AKAP10: variants seen among roughly 807,000 people sequenced by gnomAD.
AKAP10 encodes A-kinase anchoring protein 10.
Under a neutral mutation model 80.8 loss-of-function variants are expected in AKAP10, and 24 were observed. That is an observed-to-expected ratio of 0.30 (90% confidence interval 0.22 to 0.42). The LOEUF is 0.42. AKAP10 is among the 10% of genes least tolerant of loss of function. AKAP10 has a pLI of 1.00. For missense variants in AKAP10, 661 were observed against 794.9 expected (o/e 0.83, Z 2.03); for synonymous variants, 291 against 277.7 (o/e 1.05, Z -0.48).
In AKAP10 at chr17:19,931,900, C is replaced by T; in HGVS notation, c.1546G>A (p.Glu516Lys). 6.2e-7 allele frequency: 1 copy of T among 1,614,122 alleles called. No individual in the cohort carries two copies. The highest frequency in any genetic ancestry group is 8.5e-7 in the Non-Finnish European group (1 of 1,180,016). ...AGCGACACGTTCCCGCCCAGAAATT[C>T]ATCTCCTCGAACCGAATGGATGAGA... is the stretch of plus-strand genomic sequence containing the variant. ...NDLIHSVRGD[E>K]FLGGNVSLTA... Residue 516 changes from glutamate to lysine, a missense_variant, in exon 10 of 15, where the codon GAA becomes AAA. Glu to Lys is a moderately conservative substitution (Grantham distance 56, BLOSUM62 1). Transcript: ENST00000225737.
intron 9 of AKAP10, among the ~76,000 whole-genome samples, chr17:19,932,439 C>G (rs1252932878): frequency 8.0e-6 from 1 of 124,586 alleles, no homozygotes; most frequent in African/African-American, 3.1e-5. Context: ...GACGCTGGAG[C>G]AAGACTGTCT....
chr17:19,912,552 G>A (rs1033398199), intron 12 of AKAP10, among the ~76,000 whole-genome samples: 3 of 151,680 alleles, frequency 2.0e-5, no homozygotes, highest in Admixed American at 6.6e-5. Flanking sequence ...AAAACAAAAC[G>A]AAACAAAAAC....
intron 3 of AKAP10, among the ~76,000 whole-genome samples, chr17:19,960,484 G>C (rs1466307648): frequency 6.6e-6 from 1 of 152,168 alleles, no homozygotes. Context: ...TTGTCTGACA[G>C]CATAATTCCC....
At chr17:19,962,776 G>C (rs1474184037) in intron 3 of AKAP10, 64 bp downstream of exon 3, 7 of 1,505,418 alleles carry the variant, frequency 4.6e-6, no homozygotes, top group Non-Finnish European at 2.7e-6. Flanking sequence ...TCCTATGACA[G>C]AAGTTTCACA....
chr17:19,977,358 A>G (rs991056781), intron 1 of AKAP10, among the ~76,000 whole-genome samples: 2 of 152,230 alleles, frequency 1.3e-5, no homozygotes, highest in Non-Finnish European at 2.9e-5. Context: ...TATGGGCTTT[A>G]GCAATCGCTT....
intron 4 of AKAP10, among the ~76,000 whole-genome samples, chr17:19,951,137 T>C (rs1457390678): frequency 8.2e-6 from 1 of 121,266 alleles, no homozygotes; most frequent in Non-Finnish European, 1.7e-5. Context: ...GGGAGGGAGG[T>C]GGGGGGCAGC....
intron 5 of AKAP10, among the ~76,000 whole-genome samples, chr17:19,945,643 G>A (rs2043095310): frequency 6.6e-6 from 1 of 152,078 alleles, no homozygotes; most frequent in Non-Finnish European, 1.5e-5. Context: ...ACATGACATG[G>A]ACCCCAGAAT....
At position 19,939,737 on chromosome 17, in the gene AKAP10, T is replaced by C; in HGVS notation, c.1298A>G (p.Asn433Ser). ...CTTGTCATATAAAATCATGGCATCA[T>C]TCTGTGCCTCCTGTCCATCATATTG... ...KGQYDGQEAQ[N>S]DAMILYDKYF... The change falls in exon 8 of 15, where the codon AAT becomes AGT. Residue 433 changes from asparagine (N) to serine (S), a missense_variant. Transcript: ENST00000225737. 1 of 1,613,884 alleles carries C rather than the reference T, an allele frequency of 6.2e-7. No homozygotes were observed. Among genetic ancestry groups the C allele is most frequent in the Non-Finnish European group, 8.5e-7 (1 of 1,179,986 alleles).
chr17:19,909,200 G>A lies in AKAP10; in HGVS notation c.1964C>T (p.Pro655Leu), dbSNP rs372640311. ...CCTTACCTTTGTAGATTTCTCTAAC[G>A]GTTGATCATACTGAGCCTGCTGCAT... ...DIMQQAQYDQPLEKSTKL is the reference protein window; with the variant it reads ...DIMQQAQYDQLLEKSTKL The change falls in exon 14 of 15, where the codon CCG (proline) becomes CTG (leucine). Residue 655 changes from proline (P) to leucine (L), a missense_variant. Pro to Leu is a moderately conservative substitution (Grantham distance 98). Transcript: ENST00000225737. The A allele has an allele frequency of 9.3e-6, 15 of 1,612,080 alleles. No individual in the cohort carries two copies. In the South Asian group the frequency reaches 1.1e-4, roughly 12 times the overall value.
At chr17:19,940,832 G>T in intron 7 of AKAP10, 55 bp downstream of exon 7, 1 of 1,516,470 alleles carries the variant, frequency 6.6e-7, no homozygotes, top group South Asian at 1.4e-5. Flanking sequence ...CCCCAGCATT[G>T]ATAGTTAGAG....
At chr17:19,956,076 C>G (rs999377717) in intron 4 of AKAP10, among the ~76,000 whole-genome samples, 7 of 152,140 alleles carry the variant, frequency 4.6e-5, no homozygotes, top group African/African-American at 1.4e-4. Flanking sequence ...TTAAGTTTAA[C>G]AGAGAGCATA....
At chr17:19,916,933 T>C (rs2042750577) in intron 12 of AKAP10, among the ~76,000 whole-genome samples, 2 of 143,376 alleles carry the variant, frequency 1.4e-5, no homozygotes, top group Admixed American at 7.1e-5. Context: ...CGAGAGTCTG[T>C]CTCAAAAAAT....
intron 11 of AKAP10, among the ~76,000 whole-genome samples, chr17:19,922,498 G>A (rs1273277988): frequency 6.6e-6 from 1 of 152,024 alleles, no homozygotes; most frequent in Admixed American, 6.6e-5. Flanking sequence ...CGCCTGCCGA[G>A]GCCTCCCAAA....
chr17:19,932,307 C>G (rs2042944085), intron 9 of AKAP10, among the ~76,000 whole-genome samples: 1 of 151,878 alleles, frequency 6.6e-6, no homozygotes, highest in Non-Finnish European at 1.5e-5. Context: ...TAAAAATTAG[C>G]TAGGCATGGT....
chr17:19,958,840 TTC>T (rs2043313778), intron 3 of AKAP10, among the ~76,000 whole-genome samples: 1 of 144,606 alleles, frequency 6.9e-6, no homozygotes, highest in Non-Finnish European at 1.5e-5. Flanking sequence ...ACCATGTAAA[TTC>T]TTTTTTTTTT....
intron 1 of AKAP10, among the ~76,000 whole-genome samples, chr17:19,972,186 T>TCTC (rs773547436): frequency 3.9e-5 from 6 of 152,246 alleles, no homozygotes; most frequent in Non-Finnish European, 7.3e-5. Flanking sequence ...TGCTTCATAT[T>TCTC]CTCATCCTTG....
intron 4 of AKAP10, among the ~76,000 whole-genome samples, chr17:19,950,678 G>A (rs867563380): frequency 4.3e-4 from 65 of 152,326 alleles, no homozygotes; most frequent in African/African-American, 1.5e-3. Context: ...CTTCCCAGCC[G>A]CCTGCCTTGG....
At chr17:19,962,082 C>G (rs1236520219) in intron 3 of AKAP10, among the ~76,000 whole-genome samples, 1 of 152,056 alleles carries the variant, frequency 6.6e-6, no homozygotes, top group Non-Finnish European at 1.5e-5. Flanking sequence ...TACCACTGCA[C>G]TCCAGCCTGG....
intron 8 of AKAP10, among the ~76,000 whole-genome samples, chr17:19,938,974 C>T (rs1326168935): frequency 6.6e-6 from 1 of 152,160 alleles, no homozygotes; most frequent in African/African-American, 2.4e-5. Context: ...TCAAGCGATT[C>T]ACCTGCCTCT....
Sources: gnomAD v4.1 joint callset for allele counts (sites outside exome capture counted in the v4.1 genomes callset) on GRCh38, gnomAD v4.1.1 for gene constraint, MANE v1.5 for transcripts, NCBI Gene and HGNC (gene_info 2026-07-23, HGNC 2026-07-21) for gene names.